ACVR2A: variants seen among roughly 807,000 people sequenced by gnomAD.
ACVR2A encodes the protein activin receptor type-2A.
A neutral mutation model predicts 61.4 loss-of-function variants in ACVR2A; 7 were observed. That is an observed-to-expected ratio of 0.11 (90% CI 0.06 to 0.21). ACVR2A has a LOEUF of 0.21. Among genes scored for constraint, ACVR2A ranks in the 10% least tolerant of loss-of-function variants. ACVR2A has a pLI of 1.00. For missense variants in ACVR2A, 322 were observed against 621.7 expected (o/e 0.52, Z 5.13); for synonymous variants, 193 against 208.3 (o/e 0.93, Z 0.63).
rs956691020 is a variant in ACVR2A at position 147,929,438 on chromosome 2, T to G, written c.*2164T>G. 6.6e-6 allele frequency: 1 copy of G among 152,198 alleles called. No individual in the cohort carries two copies. Among genetic ancestry groups the G allele is most frequent in the African/African-American group, 2.4e-5 (1 of 41,428 alleles). 9.4% of individuals were successfully genotyped at this position (152,198 alleles called of 1,614,324 possible). ...GTTTGGCTTATGTGAGTACTAGAGATAAAATTTTTAAACCCAGTTATTCAC... is the reference window on the plus strand; with the variant it reads ...GTTTGGCTTATGTGAGTACTAGAGAGAAAATTTTTAAACCCAGTTATTCAC... On this transcript the variant is annotated 3_prime_UTR_variant, in exon 11 of 11. Coordinates refer to ENST00000241416, the MANE Select transcript of ACVR2A (RefSeq NM_001616.5).
At chr2:147,901,872 A>G (rs1214941222) in intron 4 of ACVR2A, among the ~76,000 whole-genome samples, 1 of 151,992 alleles carries the variant, frequency 6.6e-6, no homozygotes, top group Non-Finnish European at 1.5e-5. Context: ...CGTGCTTCAA[A>G]TCTTGTTTTT....
chr2:147,884,096 C>T (rs1686374746), intron 1 of ACVR2A, among the ~76,000 whole-genome samples: 2 of 152,056 alleles, frequency 1.3e-5, no homozygotes, highest in East Asian at 1.9e-4. Context: ...TTTTTAGAAG[C>T]TCTGTTCTGA....
At chr2:147,869,959 C>A (rs929939) in intron 1 of ACVR2A, among the ~76,000 whole-genome samples, 49,920 of 151,220 alleles carry the variant, frequency 0.33, 8,474 homozygotes, top group East Asian at 0.52. Context: ...TTGGGAGGGT[C>A]AATTATTGCC....
chr2:147,857,681 AC>A (rs1685618407), intron 1 of ACVR2A, among the ~76,000 whole-genome samples: 1 of 152,094 alleles, frequency 6.6e-6, no homozygotes, highest in Admixed American at 6.5e-5. Flanking sequence ...GTGCCTGTCT[AC>A]CACAGTATGG....
chr2:147,871,943 A>G (rs1277639267), intron 1 of ACVR2A, among the ~76,000 whole-genome samples: 1 of 152,096 alleles, frequency 6.6e-6, no homozygotes, highest in East Asian at 1.9e-4. Flanking sequence ...CATGAGTAGG[A>G]GAAAAATAAT....
chr2:147,844,999 C>CTTTTTTTTTTTTT (rs1558955614), upstream of ACVR2A: 1 of 127,496 alleles, frequency 7.8e-6, no homozygotes, highest in Non-Finnish European at 1.2e-5. Context: ...ACCCAGTGAG[C>CTTTTTTTTTTTTT]GTTTTTTTTT....
intron 6 of ACVR2A, 87 bp downstream of exon 6, chr2:147,917,513 C>A: frequency 7.3e-7 from 1 of 1,373,748 alleles, no homozygotes; most frequent in Non-Finnish European, 1.0e-6. Flanking sequence ...AGTTATTTTT[C>A]GAGACATCTT....
chr2:147,899,120 G>A (rs1013960995), intron 2 of ACVR2A, among the ~76,000 whole-genome samples: 5 of 151,926 alleles, frequency 3.3e-5, no homozygotes, highest in African/African-American at 9.7e-5. Flanking sequence ...TGACCAAATT[G>A]CCTCATTGAC....
intron 1 of ACVR2A, among the ~76,000 whole-genome samples, chr2:147,869,916 C>T (rs1685967262): frequency 6.6e-6 from 1 of 151,926 alleles, no homozygotes; most frequent in South Asian, 2.1e-4. Flanking sequence ...ACAGTGAGAA[C>T]AGTATGTTTG....
At chr2:147,918,245 GT>G (rs1687300604) in intron 6 of ACVR2A, among the ~76,000 whole-genome samples, 1 of 151,314 alleles carries the variant, frequency 6.6e-6, no homozygotes, top group Admixed American at 6.6e-5. Flanking sequence ...TAAAGCTCTG[GT>G]ATTTCCTTCT....
intron 8 of ACVR2A, among the ~76,000 whole-genome samples, chr2:147,920,714 T>C (rs1687359943): frequency 1.3e-5 from 2 of 152,228 alleles, no homozygotes; most frequent in South Asian, 4.1e-4. Context: ...GTCACTGTCC[T>C]TACTACAGTG....
At chr2:147,856,210 G>A (rs894524596) in intron 1 of ACVR2A, among the ~76,000 whole-genome samples, 1 of 152,082 alleles carries the variant, frequency 6.6e-6, no homozygotes, top group African/African-American at 2.4e-5. Context: ...CTTGGCACAG[G>A]GAAATAAGCT....
intron 1 of ACVR2A, among the ~76,000 whole-genome samples, chr2:147,888,731 A>G (rs561526838): frequency 1.3e-5 from 2 of 149,272 alleles, no homozygotes; most frequent in African/African-American, 2.5e-5. Context: ...GTATACCAGC[A>G]TGTCATCTGC....
intron 10 of ACVR2A, among the ~76,000 whole-genome samples, chr2:147,926,576 C>G (rs1687505145): frequency 1.3e-5 from 2 of 151,944 alleles, no homozygotes; most frequent in African/African-American, 4.8e-5. Flanking sequence ...TCGGCTTAGA[C>G]TTTCAAGTCT....
At chr2:147,862,644 T>C (rs1250991996) in intron 1 of ACVR2A, among the ~76,000 whole-genome samples, 5 of 151,696 alleles carry the variant, frequency 3.3e-5, no homozygotes, top group South Asian at 4.2e-4. Flanking sequence ...CTGGGGAGGC[T>C]GAGGCAGGAG....
chr2:147,916,420 G>T (rs1218618387), intron 5 of ACVR2A, among the ~76,000 whole-genome samples: 2 of 151,820 alleles, frequency 1.3e-5, no homozygotes, highest in East Asian at 3.9e-4. Flanking sequence ...TCAGGTAGGG[G>T]TGTTTTACAT....
At chr2:147,882,793 G>T (rs2105172927) in intron 1 of ACVR2A, among the ~76,000 whole-genome samples, 1 of 145,002 alleles carries the variant, frequency 6.9e-6, no homozygotes, top group Non-Finnish European at 1.5e-5. Context: ...TAAGTACTAA[G>T]TATGGGGTAT....
At chr2:147,925,867 C>T (rs1573717423) in intron 9 of ACVR2A, 164 bp from the exon 10 acceptor site, 2 of 615,558 alleles carry the variant, frequency 3.2e-6, no homozygotes, top group East Asian at 2.9e-5. Flanking sequence ...TTAGTTTGGT[C>T]ACACTGTGGT....
chr2:147,884,388 C>A (rs1375696949), intron 1 of ACVR2A, among the ~76,000 whole-genome samples: 2 of 152,072 alleles, frequency 1.3e-5, no homozygotes, highest in African/African-American at 4.8e-5. Flanking sequence ...AAAACCCGGG[C>A]ATTTGTAGAT....
Sources: allele counts gnomAD v4.1 joint callset (sites outside exome capture counted in the v4.1 genomes callset), GRCh38; gene constraint gnomAD v4.1.1; transcripts MANE v1.5; gene names NCBI Gene and HGNC (gene_info 2026-07-23, HGNC 2026-07-21).